SNX17: variants seen among roughly 807,000 people sequenced by gnomAD.
The protein encoded by SNX17 is sorting nexin 17.
In SNX17, 35 loss-of-function variants were observed where a neutral mutation model predicts 64.3. The observed-to-expected ratio is 0.54, with a 90% CI of 0.42 to 0.72. SNX17 has a LOEUF of 0.72. SNX17 is among the 30% of genes least tolerant of loss of function. SNX17 has a pLI of 0.00. For missense variants in SNX17, 538 were observed against 610.0 expected, an observed-to-expected ratio of 0.88 and a Z score of 1.24; for synonymous variants, 259 against 230.2, an observed-to-expected ratio of 1.13 and a Z score of -1.13.
Position 27,375,511 on chromosome 2 carries a change from G to A in SNX17, c.780G>A (p.Leu260=). ...LQEKVSKKEF[L]RLAQTLRHYG... ...ATGTGATGACCATTTTTCAGTTCCT[G>A]AGACTGGCCCAGACGCTGCGGCACT... Residue 260 remains leucine, a synonymous_variant, in exon 10 of 15, where the codon CTG becomes CTA. Transcript: ENST00000233575. This position sits in a 1 kb window ranked among gnomAD's most constrained non-coding sequence, Gnocchi z 4.1. 1.2e-6 allele frequency: 2 copies of A among 1,614,092 alleles called. No homozygotes were observed. Among genetic ancestry groups the A allele is most frequent in the Non-Finnish European group, 1.7e-6 (2 of 1,180,040 alleles).
At chr2:27,374,298 T>G in intron 6 of SNX17, 48 bp from the exon 7 acceptor site, 1 of 1,502,516 alleles carries the variant, frequency 6.7e-7, no homozygotes, top group Non-Finnish European at 9.2e-7. Context: ...TTGATTTCCC[T>G]TCCTTTAAAT....
rs753815307 is a variant in SNX17, at chr2:27,375,873, AGCCCAG to A, written c.1010_1015del (p.Pro337_Gly338del). On this transcript the variant is annotated inframe_deletion, in exon 11 of 15. Coordinates refer to ENST00000233575, the MANE Select transcript of SNX17 (RefSeq NM_014748.4). This position sits in a 1 kb window ranked among gnomAD's most constrained non-coding sequence, Gnocchi z 4.1. ...ACCATTGCCCAGTGGAAGCACGAGC[AGCCCAG>A]GCCGGGGCCGGGGTGAGGTGCGCCT... 2.6e-5 allele frequency: 42 copies of A among 1,614,022 alleles called. No homozygotes were observed. Among genetic ancestry groups the A allele is most frequent in the Non-Finnish European group, 4.2e-6 (5 of 1,180,012 alleles).
chr2:27,376,411 A>AG, intron 13 of SNX17, 24 bp downstream of exon 13: 2 of 1,613,902 alleles, frequency 1.2e-6, no homozygotes, highest in Non-Finnish European at 1.7e-6. Context: ...CCTGGTCAGA[A>AG]CCCTGGCTCT....
chr2:27,377,464 T>C lies in SNX17; in HGVS notation c.*745T>C, dbSNP rs529310636. On this transcript the variant is annotated 3_prime_UTR_variant, in exon 15 of 15. Transcript: ENST00000233575. The surrounding 1 kb of genome is among the most constrained non-coding windows in gnomAD (Gnocchi z 4.4). ...GGTCCTTATAGTGCCTACGTTAGTC[T>C]GTGTGGAGCCCCTGGCCAGCGGGGG... is the stretch of plus-strand genomic sequence containing the variant. 4 of 1,482,306 alleles carry C rather than the reference T, an allele frequency of 2.7e-6. No individual in the cohort carries two copies. The African/African-American group carries it at 5.5e-5, about 20-fold the overall frequency. The allele number at this position is 1,482,306 out of a possible 1,614,324, so 91.8% of individuals were successfully genotyped here. A position where few individuals can be genotyped will look rare whatever the true frequency, so the allele number is the denominator to read the frequency against.
Position 27,376,507 on chromosome 2 carries a change from T to TG in SNX17, c.1288dup (p.Val430GlyfsTer6), listed in dbSNP as rs1683254369. 1 of 1,614,032 alleles carries TG rather than the reference T, an allele frequency of 6.2e-7. No homozygotes were observed. ...TCACCTGATGCCACCCGGGAGTCTATGGTCAAACTCTCAGTGAGTTCCAGC... is the reference window on the plus strand; with the variant it reads ...TCACCTGATGCCACCCGGGAGTCTATGGGTCAAACTCTCAGTGAGTTCCAGC... On this transcript the variant is annotated frameshift_variant, in exon 14 of 15. Coordinates refer to ENST00000233575, the MANE Select transcript of SNX17 (RefSeq NM_014748.4). LOFTEE classifies it high-confidence loss of function.
At chr2:27,373,136 G>A (rs1293208456) in intron 3 of SNX17, 111 bp from the exon 4 acceptor site, 7 of 1,599,948 alleles carry the variant, frequency 4.4e-6, no homozygotes, top group East Asian at 2.3e-5. Context: ...GGGGGATGTG[G>A]CAGGCCACCA....
rs1214423390 is a variant in SNX17 at position 27,374,408 on chromosome 2, G to A, written c.586G>A (p.Glu196Lys). Residue 196 changes from glutamate (E) to lysine (K), a missense_variant, in exon 7 of 15, where the codon GAG becomes AAG. Glu to Lys is a moderately conservative substitution (Grantham distance 56). This residue lies in a region of SNX17 where 505 missense variants were observed against 550.4 expected (regional missense o/e 0.92). Transcript: ENST00000233575. ...YVSVTSLRSQ[E>K]YKIVLRKSYW... ...GTCTGTCACCAGCCTTCGGAGTCAA[G>A]AGTATAAGATTGTGCTAAGGAAGAG... 1 of 1,613,744 alleles carries A rather than the reference G, an allele frequency of 6.2e-7. No individual in the cohort carries two copies. Among genetic ancestry groups the A allele is most frequent in the African/African-American group, 1.3e-5 (1 of 74,770 alleles).
chr2:27,372,162 C>T (rs1682671497), intron 2 of SNX17, among the ~76,000 whole-genome samples: 1 of 152,206 alleles, frequency 6.6e-6, no homozygotes, highest in African/African-American at 2.4e-5. Flanking sequence ...AGATTACAGG[C>T]ATGAGGCCTG....
Position 27,376,906 on chromosome 2 carries a change from GC to G in SNX17, c.*191del. The G allele has an allele frequency of 1.7e-6, 1 of 600,146 alleles. No homozygotes were observed. The highest frequency in any genetic ancestry group is 3.0e-6 in the Non-Finnish European group (1 of 338,490). The allele number at this position is 600,146 out of a possible 1,614,324, so 37.2% of individuals were successfully genotyped here. A position where few individuals can be genotyped will look rare whatever the true frequency, so the allele number is the denominator to read the frequency against. ...CCCTGGGCTGGCTGCACAGAGGATT[GC>G]CCCTTCTCTTTTCAGAGCTGGCCCT... On this transcript the variant is annotated 3_prime_UTR_variant, in exon 15 of 15. Transcript: ENST00000233575.
chr2:27,377,480 C>G lies in SNX17; in HGVS notation c.*761C>G, dbSNP rs1683372906. 1 of 1,556,012 alleles carries G rather than the reference C, an allele frequency of 6.4e-7. No homozygotes were observed. Among genetic ancestry groups the G allele is most frequent in the African/African-American group, 1.4e-5 (1 of 73,900 alleles). ...ACGTTAGTCTGTGTGGAGCCCCTGG[C>G]CAGCGGGGGAGAAAAAGGTGGCTTC... is the stretch of plus-strand genomic sequence containing the variant. On this transcript the variant is annotated 3_prime_UTR_variant, in exon 15 of 15. Transcript: ENST00000233575. The surrounding 1 kb of genome is among the most constrained non-coding windows in gnomAD (Gnocchi z 4.4).
chr2:27,375,783 C>T lies in SNX17; in HGVS notation c.979-63C>T, dbSNP rs1213815400. The stretch of plus-strand genomic sequence containing the variant: ...CCTTGAGCTTAGGTATGGGCTGCAG[C>T]GGGTCAGGGAGCCAGACAGGTTGGT... On this transcript the variant is annotated intron_variant, in intron 10 of 14. Transcript: ENST00000233575. The surrounding 1 kb of genome is among the most constrained non-coding windows in gnomAD (Gnocchi z 4.1). 9 of 1,609,310 alleles carry T rather than the reference C, an allele frequency of 5.6e-6. No individual in the cohort carries two copies. The highest frequency in any genetic ancestry group is 3.3e-5 in the Admixed American group (2 of 59,910).
intron 3 of SNX17, 64 bp from the exon 4 acceptor site, chr2:27,373,183 A>G: frequency 1.2e-6 from 2 of 1,611,306 alleles, no homozygotes; most frequent in Non-Finnish European, 1.7e-6. Flanking sequence ...ACCTACTGAG[A>G]GGAGGACTGG....
Position 27,370,628 on chromosome 2 carries a change from G to A in SNX17, c.-116G>A, listed in dbSNP as rs1253682378. The A allele has an allele frequency of 1.4e-6, 2 of 1,456,384 alleles. No individual in the cohort carries two copies. The highest frequency in any genetic ancestry group is 1.8e-6 in the Non-Finnish European group (2 of 1,103,702). 90.2% of individuals were successfully genotyped at this position (1,456,384 alleles called of 1,614,324 possible). On this transcript the variant is annotated 5_prime_UTR_variant, in exon 1 of 15. Transcript: ENST00000233575. The stretch of plus-strand genomic sequence containing the variant: ...CACCGCCTTCCCACATCGGATCGCA[G>A]GGCTCCCAAAATGGCGAGTGAGGCT...
chr2:27,376,771 T>TAGCATAA lies in SNX17; in HGVS notation c.*52_*53insAGCATAA. 6.7e-7 allele frequency: 1 copy of TAGCATAA among 1,491,210 alleles called. No individual in the cohort carries two copies. The highest frequency in any genetic ancestry group is 9.3e-7 in the Non-Finnish European group (1 of 1,073,518). 92.4% of individuals were successfully genotyped at this position (1,491,210 alleles called of 1,614,324 possible). ...TACCCCAGAGGAATTTACAGAAACT[T>TAGCATAA]GCCCTGTGCCTGTGTCCCCCATGCT... On this transcript the variant is annotated 3_prime_UTR_variant, in exon 15 of 15. Transcript: ENST00000233575.
intron 2 of SNX17, 53 bp downstream of exon 2, chr2:27,371,396 G>C: frequency 1.3e-6 from 2 of 1,570,890 alleles, no homozygotes; most frequent in Non-Finnish European, 1.7e-6. Flanking sequence ...CCTACACGTG[G>C]ACATCAGTGT....
In SNX17 at chr2:27,376,316, C is replaced by T. The variant is rs758730140; in HGVS notation, c.1186C>T (p.Leu396=). 1 of 1,611,694 alleles carries T rather than the reference C, an allele frequency of 6.2e-7. No individual in the cohort carries two copies. The highest frequency in any genetic ancestry group is 1.3e-5 in the African/African-American group (1 of 74,970). The stretch of plus-strand genomic sequence containing the variant: ...GGCACCTTGTGTCTGTCCCCAGATG[C>T]TGCGCCGGCGGGTGGGGGGTACTCT... The part of the protein sequence containing the change: ...KKSGGSIRKM[L]RRRVGGTLRR... Residue 396 remains leucine (L), a synonymous_variant, in exon 13 of 15, where the codon CTG becomes TTG. Transcript: ENST00000233575.
Position 27,374,423 on chromosome 2 carries a change from C to T in SNX17, c.601C>T (p.Leu201=), listed in dbSNP as rs776517801. 1.9e-6 allele frequency: 3 copies of T among 1,613,304 alleles called. No homozygotes were observed. Among genetic ancestry groups the T allele is most frequent in the Non-Finnish European group, 2.5e-6 (3 of 1,179,706 alleles). Residue 201 remains leucine (L), a synonymous_variant, in exon 7 of 15, where the codon CTA becomes TTA. Transcript: ENST00000233575. Reference sequence around the variant, plus strand: ...TCGGAGTCAAGAGTATAAGATTGTGCTAAGGAAGAGGTCAGGGCTGGGCCT... The same window carrying T: ...TCGGAGTCAAGAGTATAAGATTGTGTTAAGGAAGAGGTCAGGGCTGGGCCT... ...SLRSQEYKIV[L]RKSYWDSAYD... is the part of the protein sequence containing the mutation.
rs1230266009 is a variant in SNX17, at chr2:27,375,305, A to G, written c.774+152A>G. 3 of 893,038 alleles carry G rather than the reference A, an allele frequency of 3.4e-6. No homozygotes were observed. The highest frequency in any genetic ancestry group is 1.7e-6 in the Non-Finnish European group (1 of 585,026). 55.3% of individuals were successfully genotyped at this position (893,038 alleles called of 1,614,324 possible). A position where few individuals can be genotyped will look rare whatever the true frequency, so the allele number is the denominator to read the frequency against. On this transcript the variant is annotated intron_variant, in intron 9 of 14. Coordinates refer to ENST00000233575, the MANE Select transcript of SNX17 (RefSeq NM_014748.4). This position sits in a 1 kb window ranked among gnomAD's most constrained non-coding sequence, Gnocchi z 4.1. Reference sequence around the variant, plus strand: ...AGGCACCCGCCACGACGCCCGGCTAATTTTTTGTATTTTTGGGAGAGACAG... The same window carrying G: ...AGGCACCCGCCACGACGCCCGGCTAGTTTTTTGTATTTTTGGGAGAGACAG...
Position 27,375,445 on chromosome 2 carries a change from C to G in SNX17, c.775-61C>G. ...GAGCCACCGCGCCCGACCGGGGTTG[C>G]TTTTTCTGAGCTGCCCCATTCTCCC... On this transcript the variant is annotated intron_variant, in intron 9 of 14. Transcript: ENST00000233575. The surrounding 1 kb of genome is among the most constrained non-coding windows in gnomAD (Gnocchi z 4.1). 2 of 1,599,414 alleles carry G rather than the reference C, an allele frequency of 1.3e-6. No individual in the cohort carries two copies. The highest frequency in any genetic ancestry group is 2.2e-5 in the South Asian group (2 of 90,812).
Sources: allele counts gnomAD v4.1 joint callset (sites outside exome capture counted in the v4.1 genomes callset), GRCh38; gene constraint gnomAD v4.1.1; regional missense constraint gnomAD v4.1.1; non-coding constraint Gnocchi (gnomAD v3.1); transcripts MANE v1.5; gene names NCBI Gene and HGNC (gene_info 2026-07-23, HGNC 2026-07-21).